The following CAST variants were observed in gnomAD, a reference collection of about 807,000 sequenced individuals.
CAST encodes the protein calpastatin, also known as MIR583 host.
CAST carries 76 observed loss-of-function variants against 119.6 expected under a neutral mutation model. That is an observed-to-expected ratio of 0.64 (90% CI 0.53 to 0.77). The LOEUF (loss-of-function observed/expected upper bound fraction) is 0.77. CAST is among the 30% of genes least tolerant of loss of function. The pLI, the probability that CAST is intolerant of heterozygous loss-of-function variation, is 0.00. For synonymous variants in CAST, 319 were observed against 331.6 expected (o/e 0.96, Z 0.41); for missense variants, 953 against 946.5 (o/e 1.01, Z -0.09).
the CAST span, among the ~76,000 whole-genome samples, chr5:96,180,427 T>G: frequency 6.6e-6 from 1 of 152,234 alleles, no homozygotes; most frequent in Non-Finnish European, 1.5e-5. Context: ...TGGGACCATA[T>G]GTAGAGCCTC....
intron 1 of CAST, among the ~76,000 whole-genome samples, chr5:96,616,989 T>C (rs1747471122): frequency 6.6e-6 from 1 of 152,156 alleles, no homozygotes; most frequent in Non-Finnish European, 1.5e-5. Flanking sequence ...GTTGCTGCCT[T>C]GACCACACCT....
At chr5:96,498,225 G>C in the CAST span, among the ~76,000 whole-genome samples, 6 of 152,164 alleles carry the variant, frequency 3.9e-5, no homozygotes, top group South Asian at 2.1e-4. Flanking sequence ...GTCTATATCT[G>C]TGTTTTGGTA....
chr5:96,407,274 GAACCAAGGCCATAAAACAA>G, the CAST span, among the ~76,000 whole-genome samples: 1 of 152,044 alleles, frequency 6.6e-6, no homozygotes, highest in Non-Finnish European at 1.5e-5. Context: ...TAGCTTTTGT[GAACCAAGGCCATAAAACAA>G]AACTAAGGCC....
Position 96,749,924 on chromosome 5 carries a change from G to T in CAST, c.1429-663G>T, listed in dbSNP as rs569680494. On this transcript the variant is annotated intron_variant, in intron 19 of 31. Coordinates refer to ENST00000675179, the MANE Select transcript of CAST (RefSeq NM_001750.7). ...AGCATGCATCAGGATCATCTGGAGA[G>T]TTTTTTTTTAAACACAGGCTGCTAG... Among the ~76,000 whole-genome samples the T allele has an allele frequency of 1.7e-4, 26 of 151,618 alleles. No individual in the cohort carries two copies. The East Asian group carries it at 3.7e-3, about 21-fold the overall frequency.
the CAST span, among the ~76,000 whole-genome samples, chr5:96,356,932 A>G: frequency 6.6e-6 from 1 of 152,184 alleles, no homozygotes; most frequent in African/African-American, 2.4e-5. Context: ...CAGTATGGCC[A>G]TTTTCACAAT....
At chr5:96,267,678 A>G in the CAST span, among the ~76,000 whole-genome samples, 6 of 152,218 alleles carry the variant, frequency 3.9e-5, no homozygotes, top group African/African-American at 9.6e-5. Context: ...TGCTAAAGGG[A>G]AGATTTCAAT....
At chr5:96,625,573 C>A (rs1053125497) in intron 1 of CAST, among the ~76,000 whole-genome samples, 15 of 152,144 alleles carry the variant, frequency 9.9e-5, no homozygotes, top group African/African-American at 3.6e-4. Context: ...AAAGGGAAAC[C>A]AATTTTAAAG....
the CAST span, among the ~76,000 whole-genome samples, chr5:96,374,272 T>A: frequency 6.6e-6 from 1 of 152,156 alleles, no homozygotes; most frequent in Non-Finnish European, 1.5e-5. Flanking sequence ...ATTGGTAATA[T>A]GACAAGTAGA....
At chr5:96,397,451 A>G in the CAST span, 1 of 1,613,412 alleles carries the variant, frequency 6.2e-7, no homozygotes, top group Non-Finnish European at 8.5e-7. Context: ...TCTTTCAGCC[A>G]AGAGCACAGT....
chr5:96,558,559 A>G (rs1211284420), intron 1 of CAST, among the ~76,000 whole-genome samples: 1 of 152,232 alleles, frequency 6.6e-6, no homozygotes, highest in Admixed American at 6.5e-5. Context: ...ACAAACTACC[A>G]TCAGAGAATA....
chr5:96,169,633 T>C, the CAST span, among the ~76,000 whole-genome samples: 8 of 152,104 alleles, frequency 5.3e-5, no homozygotes, highest in African/African-American at 1.9e-4. Context: ...GGATGGGATA[T>C]TGGCGTTGAG....
chr5:96,584,658 C>T (rs970839955), intron 1 of CAST: 1 of 152,150 alleles, frequency 6.6e-6, no homozygotes, highest in African/African-American at 2.4e-5. Flanking sequence ...GCCTTCACCT[C>T]TAGGGATGGG....
At chr5:96,462,267 T>C in the CAST span, among the ~76,000 whole-genome samples, 1 of 152,258 alleles carries the variant, frequency 6.6e-6, no homozygotes, top group South Asian at 2.1e-4. Context: ...TTGTGTTTTG[T>C]CTACTATCAC....
At chr5:96,106,208 G>A in the CAST span, among the ~76,000 whole-genome samples, 71 of 151,720 alleles carry the variant, frequency 4.7e-4, no homozygotes, top group African/African-American at 1.7e-3. Flanking sequence ...TTAATTTTTT[G>A]TGTCTCTATT....
the CAST span, among the ~76,000 whole-genome samples, chr5:96,006,600 A>G: frequency 6.6e-6 from 1 of 152,136 alleles, no homozygotes; most frequent in Non-Finnish European, 1.5e-5. Context: ...GGGCTTAGAA[A>G]TCAAACCTTC....
the CAST span, among the ~76,000 whole-genome samples, chr5:96,280,389 A>G: frequency 6.6e-6 from 1 of 152,232 alleles, no homozygotes; most frequent in Admixed American, 6.5e-5. Context: ...ACAGGTAATG[A>G]GTAAGAAGAG....
intron 1 of CAST, among the ~76,000 whole-genome samples, chr5:96,541,754 C>T (rs551442959): frequency 1.3e-5 from 2 of 152,250 alleles, no homozygotes; most frequent in African/African-American, 4.8e-5. Context: ...TTTCACTTAG[C>T]AATATTATTT....
At chr5:96,068,193 T>C in the CAST span, among the ~76,000 whole-genome samples, 1 of 152,192 alleles carries the variant, frequency 6.6e-6, no homozygotes, top group Non-Finnish European at 1.5e-5. Flanking sequence ...AAGCATTTCC[T>C]GGGCCCTGAC....
the CAST span, among the ~76,000 whole-genome samples, chr5:96,083,884 C>A: frequency 6.6e-6 from 1 of 152,164 alleles, no homozygotes; most frequent in Non-Finnish European, 1.5e-5. Flanking sequence ...AGACTTGGAG[C>A]CAGACTACTT....
Sources: allele counts gnomAD v4.1 joint callset (sites outside exome capture counted in the v4.1 genomes callset), GRCh38; gene constraint gnomAD v4.1.1; transcripts MANE v1.5; gene names NCBI Gene and HGNC (gene_info 2026-07-23, HGNC 2026-07-21).